Variants in MYH7B observed in about 807,000 individuals in gnomAD.
MYH7B encodes the protein myosin-7B.
Under a neutral mutation model 234.5 loss-of-function variants are expected in MYH7B, and 205 were observed. The ratio of observed to expected loss-of-function variants is 0.87; its 90% CI spans 0.78 to 0.98. MYH7B has a LOEUF of 0.98. MYH7B is among the 50% of genes least tolerant of loss of function. MYH7B has a pLI of 0.00. For synonymous variants in MYH7B, 1,193 were observed against 1,105.0 expected (o/e 1.08, Z -1.58); for missense variants, 2,652 against 2,633.4 (o/e 1.01, Z -0.15).
exon 27 of MYH7B, chr20:34,994,350 G>T: frequency 6.2e-7 from 1 of 1,605,230 alleles, no homozygotes; most frequent in Non-Finnish European, 8.5e-7. Context: ...TGGAGGAGAC[G>T]CACGTCAGCA....
intron 8 of MYH7B, 65 bp downstream of exon 8, chr20:34,980,799 A>G (rs1183798215): frequency 1.6e-5 from 25 of 1,588,404 alleles, no homozygotes; most frequent in Admixed American, 1.7e-5. Flanking sequence ...GGCCTCTGTA[A>G]GGGACCCCCT....
intron 7 of MYH7B, 193 bp downstream of exon 7, chr20:34,979,997 G>A: frequency 3.2e-6 from 2 of 630,908 alleles, no homozygotes; most frequent in African/African-American, 1.9e-5. Context: ...CAGTGGGGGC[G>A]GGGCTGGAGG....
rs199833535 is a variant in MYH7B, at chr20:34,996,405, G to T, written c.3003G>T (p.Lys1001Asn). 8.4e-5 allele frequency: 136 copies of T among 1,612,920 alleles called. No homozygotes were observed. Among genetic ancestry groups the T allele is most frequent in the Middle Eastern group, 8.3e-4 (5 of 6,052 alleles). ...ACGAGTCAGTGGCCCGGCTGACCAA[G>T]GAGAAGAAGGCGTTGCAGGAGGCCC... The change falls in exon 29 of 45, where the codon AAG becomes AAT. Residue 1001 changes from lysine (K) to asparagine (N), a missense_variant. Physicochemically the swap from Lys to Asn is moderately conservative, Grantham distance 94. This residue lies in a region of MYH7B where 2,279 missense variants were observed against 2,211.4 expected (regional missense o/e 1.03). Coordinates refer to ENST00000262873, the Ensembl canonical transcript of MYH7B.
At chr20:34,987,734 A>G (rs777395537) in intron 17 of MYH7B, 31 bp from the exon 18 acceptor site, 1 of 1,613,684 alleles carries the variant, frequency 6.2e-7, no homozygotes, top group Admixed American at 1.7e-5. Flanking sequence ...CCTCCTTGCC[A>G]GGTCCCAGCC....
At chr20:34,977,579 G>T (rs371945556) in intron 3 of MYH7B, 53 bp from the exon 4 acceptor site, 20 of 1,535,978 alleles carry the variant, frequency 1.3e-5, no homozygotes, top group African/African-American at 8.2e-5. Context: ...AGGCTGGGGG[G>T]GCTGTGACAC....
At chr20:34,957,484 C>CT (rs71196770) in intron 1 of MYH7B, among the ~76,000 whole-genome samples, 9,691 of 104,344 alleles carry the variant, frequency 0.093, 710 homozygotes, top group South Asian at 0.11. Context: ...CCTTTTGACT[C>CT]TTTTTTTTTT....
chr20:34,996,841 G>A (rs932834826), intron 30 of MYH7B, 83 bp downstream of exon 30: 58 of 1,541,460 alleles, frequency 3.8e-5, no homozygotes, highest in Middle Eastern at 1.8e-4. Context: ...TGGTTCCTGC[G>A]GCATTGCAGA....
intron 24 of MYH7B, 70 bp from the exon 25 acceptor site, chr20:34,993,032 C>G (rs1219907675): frequency 9.0e-6 from 14 of 1,555,708 alleles, no homozygotes; most frequent in Non-Finnish European, 1.2e-5. Flanking sequence ...CAGTCCCTGA[C>G]TTCCCCATTC....
intron 32 of MYH7B, 43 bp from the exon 33 acceptor site, chr20:34,998,252 G>A: frequency 6.2e-7 from 1 of 1,605,812 alleles, no homozygotes; most frequent in Non-Finnish European, 8.5e-7. Flanking sequence ...AACTTGTTCT[G>A]ACATCTAACT....
chr20:34,977,749 C>T lies in MYH7B; in HGVS notation c.-73+69C>T. Reference sequence around the variant, plus strand: ...GGGTGGGCGGGTGGGTGAGGGTGCCCATGGGTGGCCGCGAGTCTTCTGAAT... The same window carrying T: ...GGGTGGGCGGGTGGGTGAGGGTGCCTATGGGTGGCCGCGAGTCTTCTGAAT... On this transcript the variant is annotated intron_variant, in intron 4 of 44. Transcript: ENST00000262873. The T allele has an allele frequency of 1.4e-6, 2 of 1,455,408 alleles. 1 individual carries two copies. The allele number at this position is 1,455,408 out of a possible 1,614,324, so 90.2% of individuals were successfully genotyped here.
At chr20:34,991,067 G>A (rs199604953) in exon 24 of MYH7B, 49 of 1,613,784 alleles carry the variant, frequency 3.0e-5, no homozygotes, top group South Asian at 1.1e-4. Context: ...GAGGGGATCC[G>A]GATCTGCCGC....
intron 9 of MYH7B, chr20:34,981,375 A>G: frequency 2.9e-6 from 1 of 341,598 alleles, no homozygotes; most frequent in South Asian, 4.6e-5. Flanking sequence ...GCTCAGGGGC[A>G]GCGGAAAGAT....
chr20:35,001,373 G>A (rs1167809594), intron 42 of MYH7B, 24 bp downstream of exon 42: 3 of 1,598,858 alleles, frequency 1.9e-6, no homozygotes, highest in Non-Finnish European at 2.6e-6. Flanking sequence ...TCTCCCTGGG[G>A]AGTGGCCCTG....
intron 13 of MYH7B, 79 bp from the exon 14 acceptor site, chr20:34,986,021 T>C: frequency 1.6e-6 from 2 of 1,261,208 alleles, no homozygotes; most frequent in Non-Finnish European, 2.3e-6. Flanking sequence ...TGCCCACCTC[T>C]CTCCCTCCGC....
chr20:34,997,663 A>G (rs763271273), intron 32 of MYH7B, 23 bp downstream of exon 32: 15 of 1,611,614 alleles, frequency 9.3e-6, no homozygotes, highest in Non-Finnish European at 1.3e-5. Context: ...TCCTCACCCC[A>G]TACCCACCCT....
chr20:35,002,365 A>AAAAC (rs2082410622), exon 45 of MYH7B: 2 of 643,560 alleles, frequency 3.1e-6, no homozygotes, highest in Non-Finnish European at 4.9e-6. Context: ...TTCAGGAGGA[A>AAAAC]AAACACAGTC....
Position 34,994,300 on chromosome 20 carries a change from C to T in MYH7B, c.2599C>T (p.Arg867Ter), listed in dbSNP as rs749943398. The change falls in exon 27 of 45, where the codon CGA (arginine) becomes TGA (stop). Residue 867 changes from arginine (R) to a stop codon, truncating the protein, a stop_gained. Transcript: ENST00000262873. LOFTEE classifies it high-confidence loss of function. Reference sequence around the variant, plus strand: ...CCTGCGGGCAGAGCTGCGGGGGTTGCGAGGGGCGCTGGCTGCGGCCGAGGC... The same window carrying T: ...CCTGCGGGCAGAGCTGCGGGGGTTGTGAGGGGCGCTGGCTGCGGCCGAGGC... 6.2e-6 allele frequency: 10 copies of T among 1,610,994 alleles called. No individual in the cohort carries two copies. The highest frequency in any genetic ancestry group is 1.7e-5 in the Admixed American group (1 of 59,876).
In MYH7B at chr20:34,999,552, A is replaced by G. The variant is rs371099094; in HGVS notation, c.4541-19A>G. ...GTACAAGCCATGGGGGTGGCCTCTC[A>G]GCACCCTGTCCACTGCAGAGGAGAT... On this transcript the variant is annotated intron_variant, in intron 36 of 44. Coordinates refer to ENST00000262873, the Ensembl canonical transcript of MYH7B. 30 of 1,582,288 alleles carry G rather than the reference A, an allele frequency of 1.9e-5. No homozygotes were observed. The highest frequency in any genetic ancestry group is 2.6e-5 in the Non-Finnish European group (30 of 1,164,190).
At position 34,999,270 on chromosome 20, in the gene MYH7B, G is replaced by A. The variant is rs1221062582; in HGVS notation, c.4405G>A (p.Glu1469Lys). Residue 1469 changes from glutamate (E) to lysine (K), a missense_variant, in exon 36 of 45, where the codon GAG becomes AAG. Around this residue, in one of 3 missense-constraint regions of MYH7B, gnomAD observed 2,279 missense variants for 2,211.4 expected, o/e 1.03. Transcript: ENST00000262873. ...GGAGGAACGGCGGCGGCAGGAGGAG[G>A]AGATGCAGCGGGAGCTGGAGGCGGC... The A allele has an allele frequency of 3.1e-6, 5 of 1,597,942 alleles. 1 individual carries two copies. The highest frequency in any genetic ancestry group is 4.5e-5 in the East Asian group (2 of 44,280).
Sources: allele counts gnomAD v4.1 joint callset (sites outside exome capture counted in the v4.1 genomes callset), GRCh38; gene constraint gnomAD v4.1.1; regional missense constraint gnomAD v4.1.1; transcripts MANE v1.5; gene names NCBI Gene and HGNC (gene_info 2026-07-23, HGNC 2026-07-21).